NBR1: variants seen among roughly 807,000 people sequenced by gnomAD.
The protein encoded by NBR1 is next to BRCA1 gene 1 protein.
A neutral mutation model predicts 115.5 loss-of-function variants in NBR1; 59 were observed. The observed-to-expected ratio is 0.51, with a 90% CI of 0.41 to 0.63. The LOEUF is 0.63. NBR1 is among the 30% of genes least tolerant of loss of function. The probability of loss-of-function intolerance (pLI) is 0.00; values close to 1 mark genes in which losing one functional copy is unlikely to be tolerated. For synonymous variants in NBR1, 373 were observed against 414.7 expected, an observed-to-expected ratio of 0.90 and a Z score of 1.22; for missense variants, 1,043 against 1,150.5, an observed-to-expected ratio of 0.91 and a Z score of 1.35.
intron 20 of NBR1, among the ~76,000 whole-genome samples, chr17:43,205,103 C>T (rs2057288699): frequency 6.6e-6 from 1 of 152,120 alleles, no homozygotes; most frequent in Admixed American, 6.5e-5. Flanking sequence ...TGCCTGTAAT[C>T]CCAGCACTTT....
chr17:43,209,368 A>G (rs955101472), intron 20 of NBR1, among the ~76,000 whole-genome samples: 2 of 151,904 alleles, frequency 1.3e-5, no homozygotes, highest in African/African-American at 4.8e-5. Flanking sequence ...GAGCCACCGC[A>G]CCCAGCCCCT....
intron 13 of NBR1, chr17:43,194,719 CT>C: frequency 1.6e-6 from 1 of 629,058 alleles, no homozygotes; most frequent in Non-Finnish European, 2.8e-6. Flanking sequence ...CACAAACTCC[CT>C]TTAGTTGCCT....
Position 43,201,770 on chromosome 17 carries a change from G to A in NBR1, c.2553G>A (p.Gln851=). ...CAGAAGTTTCTTCAGTCCCTGATCA[G>A]ATCAGAGGAGGTAATGATCAGCCTA... is the stretch of plus-strand genomic sequence containing the variant. ...TIPEVSSVPD[Q]IRGEPRGSSG... Residue 851 remains glutamine, a synonymous_variant, in exon 18 of 21, where the codon CAG becomes CAA. Transcript: ENST00000590996. 1 of 1,575,936 alleles carries A rather than the reference G, an allele frequency of 6.3e-7. No homozygotes were observed. Among genetic ancestry groups the A allele is most frequent in the East Asian group, 2.2e-5 (1 of 44,688 alleles).
intron 1 of NBR1, among the ~76,000 whole-genome samples, chr17:43,174,670 C>T (rs1422499662): frequency 6.6e-6 from 1 of 151,822 alleles, no homozygotes; most frequent in Admixed American, 6.6e-5. Context: ...TGACTATGGT[C>T]AGTTCATTGT....
chr17:43,172,818 G>A (rs909884350), intron 1 of NBR1, among the ~76,000 whole-genome samples: 33 of 151,936 alleles, frequency 2.2e-4, no homozygotes, highest in African/African-American at 8.0e-4. Context: ...CTAAAGACTG[G>A]TTTATTATTA....
At chr17:43,193,670 A>G (rs1443613990) in intron 12 of NBR1, 32 bp downstream of exon 12, 3 of 1,571,680 alleles carry the variant, frequency 1.9e-6, no homozygotes, top group African/African-American at 1.4e-5. Flanking sequence ...TTGGCCTAGT[A>G]TCCAAATCTT....
intron 16 of NBR1, among the ~76,000 whole-genome samples, chr17:43,199,159 T>C (rs1417837622): frequency 6.6e-6 from 1 of 151,982 alleles, no homozygotes; most frequent in African/African-American, 2.4e-5. Flanking sequence ...TATGGCTCAT[T>C]GCAGCCACAA....
In NBR1 at chr17:43,211,427, A is replaced by G. The variant is rs571691436; in HGVS notation, c.*1353A>G. ...AGCCATAATGATGTTTATTTACAGTATAACTCCTGAATGCTACTTAAATAA... is the reference window on the plus strand; with the variant it reads ...AGCCATAATGATGTTTATTTACAGTGTAACTCCTGAATGCTACTTAAATAA... On this transcript the variant is annotated 3_prime_UTR_variant, in exon 21 of 21. Coordinates refer to ENST00000590996, the MANE Select transcript of NBR1 (RefSeq NM_005899.5). 6.5e-6 allele frequency: 1 copy of G among 152,676 alleles called. No homozygotes were observed. Among genetic ancestry groups the G allele is most frequent in the Non-Finnish European group, 1.5e-5 (1 of 68,050 alleles). The allele number at this position is 152,676 out of a possible 1,614,324, so 9.5% of individuals were successfully genotyped here. A position where few individuals can be genotyped will look rare whatever the true frequency, so the allele number is the denominator to read the frequency against.
At chr17:43,189,976 CTA>C in intron 8 of NBR1, 174 bp downstream of exon 8, 1 of 622,366 alleles carries the variant, frequency 1.6e-6, no homozygotes, top group Non-Finnish European at 2.8e-6. Context: ...TATGTTGTAA[CTA>C]TTCAGATTGT....
At chr17:43,189,287 G>A (rs2056889509) in intron 7 of NBR1, among the ~76,000 whole-genome samples, 168 bp downstream of exon 7, 2 of 152,182 alleles carry the variant, frequency 1.3e-5, no homozygotes, top group Non-Finnish European at 2.9e-5. Flanking sequence ...TCTAACCTTT[G>A]CAGTGAAGTG....
chr17:43,182,599 CT>C (rs150813372), intron 5 of NBR1, among the ~76,000 whole-genome samples: 21 of 145,294 alleles, frequency 1.4e-4, no homozygotes, highest in Admixed American at 1.4e-4. Context: ...ACATGGAATG[CT>C]TTTTTTTTTG....
chr17:43,177,911 CT>C, intron 2 of NBR1, 24 bp from the exon 3 acceptor site: 1 of 1,468,166 alleles, frequency 6.8e-7, no homozygotes, highest in Non-Finnish European at 9.2e-7. Context: ...TATAACCTGC[CT>C]TTAAATATGT....
In NBR1 at chr17:43,200,249, G is replaced by GGAGGAGGAGGATGAGGAGGAT; in HGVS notation, c.2121_2141dup (p.Asp707_Glu713dup). On this transcript the variant is annotated inframe_insertion, in exon 17 of 21. Coordinates refer to ENST00000590996, the MANE Select transcript of NBR1 (RefSeq NM_005899.5). ...TCGCTGAGGAAGAAGCTGTCATGGA[G>GGAGGAGGAGGATGAGGAGGAT]GAGGAGGAGGATGAGGAGGATGAGG... 1 of 1,551,696 alleles carries GGAGGAGGAGGATGAGGAGGAT rather than the reference G, an allele frequency of 6.4e-7. No homozygotes were observed. Among genetic ancestry groups the GGAGGAGGAGGATGAGGAGGAT allele is most frequent in the East Asian group, 2.4e-5 (1 of 40,920 alleles).
rs779100650 is a variant in NBR1 at position 43,201,768 on chromosome 17, C to T, written c.2551C>T (p.Gln851Ter). The T allele has an allele frequency of 6.3e-7, 1 of 1,581,392 alleles. No individual in the cohort carries two copies. The highest frequency in any genetic ancestry group is 8.7e-7 in the Non-Finnish European group (1 of 1,150,278). ...ACCAGAAGTTTCTTCAGTCCCTGAT[C>T]AGATCAGAGGAGGTAATGATCAGCC... ...TIPEVSSVPD[Q>*]IRGEPRGSSG... The change falls in exon 18 of 21, where the codon CAG becomes TAG. Residue 851 changes from glutamine to a stop codon, truncating the protein, a stop_gained. Transcript: ENST00000590996. LOFTEE classifies it high-confidence loss of function.
intron 18 of NBR1, among the ~76,000 whole-genome samples, chr17:43,202,299 C>G (rs1244451784): frequency 6.6e-6 from 1 of 151,990 alleles, no homozygotes; most frequent in African/African-American, 2.4e-5. Context: ...AGAACACAGG[C>G]TTTGGAGCCA....
rs2154582517 is a variant in NBR1 at position 43,210,435 on chromosome 17, C to T, written c.*361C>T. The T allele has an allele frequency of 2.5e-6, 1 of 396,660 alleles. No individual in the cohort carries two copies. The highest frequency in any genetic ancestry group is 4.4e-6 in the Non-Finnish European group (1 of 225,482). The allele number at this position is 396,660 out of a possible 1,614,324, so 24.6% of individuals were successfully genotyped here. A position where few individuals can be genotyped will look rare whatever the true frequency, so the allele number is the denominator to read the frequency against. On this transcript the variant is annotated 3_prime_UTR_variant, in exon 21 of 21. Transcript: ENST00000590996. ...TAATGTGGATTTTTTATGGGGATAT[C>T]TGTTAATTTTCAGGTTTTGAAAGAC...
upstream of NBR1, chr17:43,170,884 TC>T (rs2056337029): frequency 6.6e-6 from 1 of 152,054 alleles, no homozygotes; most frequent in Non-Finnish European, 1.5e-5. Flanking sequence ...TACCTACAAC[TC>T]CTAGGAAGAC....
At chr17:43,175,101 AAAAT>A (rs963551708) in intron 1 of NBR1, among the ~76,000 whole-genome samples, 5 of 152,178 alleles carry the variant, frequency 3.3e-5, no homozygotes, top group African/African-American at 9.6e-5. Flanking sequence ...CTCCGTCTCA[AAAAT>A]AAATAAATAA....
At position 43,189,047 on chromosome 17, in the gene NBR1, T is replaced by C. The variant is rs368029325; in HGVS notation, c.408T>C (p.Phe136=). Residue 136 remains phenylalanine (F), a synonymous_variant, in exon 7 of 21, where the codon TTT becomes TTC. Coordinates refer to ENST00000590996, the MANE Select transcript of NBR1 (RefSeq NM_005899.5). ...CGGCTTGTGTTTTCTCCCAGTCGTTTCCACTTGTTCCATGTGACACAGACC... is the reference window on the plus strand; with the variant it reads ...CGGCTTGTGTTTTCTCCCAGTCGTTCCCACTTGTTCCATGTGACACAGACC... ...KTPEDPAVQS[F]PLVPCDTDQP... 1.2e-6 allele frequency: 2 copies of C among 1,610,822 alleles called. No individual in the cohort carries two copies. Among genetic ancestry groups the C allele is most frequent in the Non-Finnish European group, 1.7e-6 (2 of 1,176,950 alleles).
Sources: allele counts gnomAD v4.1 joint callset (sites outside exome capture counted in the v4.1 genomes callset), GRCh38; gene constraint gnomAD v4.1.1; transcripts MANE v1.5; gene names NCBI Gene and HGNC (gene_info 2026-07-23, HGNC 2026-07-21).